CAMK2D: variants seen among roughly 807,000 people sequenced by gnomAD.
The protein encoded by CAMK2D is calcium/calmodulin dependent protein kinase II delta.
Under a neutral mutation model 84.0 loss-of-function variants are expected in CAMK2D, and 37 were observed. That is an observed-to-expected ratio of 0.44 (90% CI 0.34 to 0.58). The LOEUF is 0.58. CAMK2D is among the 20% of genes least tolerant of loss of function. CAMK2D has a pLI of 0.02. For synonymous variants in CAMK2D, 202 were observed against 212.5 expected (o/e 0.95, Z 0.43); for missense variants, 448 against 652.5 (o/e 0.69, Z 3.41).
chr4:113,467,126 G>C (rs187285148), intron 16 of CAMK2D, among the ~76,000 whole-genome samples: 1 of 151,990 alleles, frequency 6.6e-6, no homozygotes, highest in Non-Finnish European at 1.5e-5. Context: ...AATTTTACTG[G>C]ATTTTAAGAA....
chr4:113,460,157 G>A lies in CAMK2D; in HGVS notation c.1296C>T (p.Tyr432=). 6.4e-7 allele frequency: 1 copy of A among 1,572,336 alleles called. No homozygotes were observed. Among genetic ancestry groups the A allele is most frequent in the Non-Finnish European group, 8.8e-7 (1 of 1,142,400 alleles). Residue 432 remains tyrosine (Y), a synonymous_variant, in exon 18 of 21, where the codon TAC becomes TAT. Coordinates refer to ENST00000511664, the MANE Select transcript of CAMK2D (RefSeq NM_001321571.2). ...TAGGAATAAATGTACCATTTTCAAA[G>A]TAGAATCGGTGAAAATCCATCCCTT... ...LVEGMDFHRF[Y]FENALSKSNK...
Position 113,477,638 on chromosome 4 carries a change from C to T in CAMK2D, c.1136-12034G>A, listed in dbSNP as rs1010558285. On this transcript the variant is annotated intron_variant, in intron 16 of 20. Coordinates refer to ENST00000511664, the MANE Select transcript of CAMK2D (RefSeq NM_001321571.2). ...GTGGGTGCCTGTAGTCCCAGCTACT[C>T]GGGAGGCTGAGGCAGGAGAATTGCT... Among the ~76,000 whole-genome samples, 8 of 149,998 alleles carry T rather than the reference C, an allele frequency of 5.3e-5. No homozygotes were observed. In the East Asian group the frequency reaches 5.9e-4, roughly 11 times the overall value.
At chr4:113,628,606 C>A (rs1435096631) in intron 3 of CAMK2D, among the ~76,000 whole-genome samples, 1 of 152,034 alleles carries the variant, frequency 6.6e-6, no homozygotes, top group African/African-American at 2.4e-5. Context: ...TTCATCATTT[C>A]ATGACATATT....
At chr4:113,576,103 A>G (rs1434727756) in intron 4 of CAMK2D, among the ~76,000 whole-genome samples, 1 of 152,104 alleles carries the variant, frequency 6.6e-6, no homozygotes, top group African/African-American at 2.4e-5. Flanking sequence ...ACAAGATCCC[A>G]TAGCTCACTG....
intron 3 of CAMK2D, among the ~76,000 whole-genome samples, chr4:113,632,778 G>T (rs1028153116): frequency 1.3e-5 from 2 of 152,176 alleles, no homozygotes; most frequent in Admixed American, 6.5e-5. Flanking sequence ...TATAGACACT[G>T]ACAGGTGCTT....
chr4:113,576,569 T>C (rs2098783662), intron 4 of CAMK2D, among the ~76,000 whole-genome samples: 1 of 151,896 alleles, frequency 6.6e-6, no homozygotes, highest in Non-Finnish European at 1.5e-5. Flanking sequence ...GATAGAAACA[T>C]ACACATTAAA....
chr4:113,649,598 C>A (rs2099164954), intron 3 of CAMK2D, among the ~76,000 whole-genome samples: 1 of 152,182 alleles, frequency 6.6e-6, no homozygotes, highest in Non-Finnish European at 1.5e-5. Flanking sequence ...GCTCCCATGG[C>A]ACCTTATTAG....
At chr4:113,578,071 C>A (rs1179418680) in intron 4 of CAMK2D, among the ~76,000 whole-genome samples, 3 of 152,148 alleles carry the variant, frequency 2.0e-5, no homozygotes, top group African/African-American at 7.2e-5. Flanking sequence ...AATACTTGAG[C>A]TCCACTCTAA....
chr4:113,462,051 T>C (rs2097382893), intron 17 of CAMK2D, among the ~76,000 whole-genome samples: 1 of 152,194 alleles, frequency 6.6e-6, no homozygotes, highest in Admixed American at 6.5e-5. Flanking sequence ...ATAGTCTCTT[T>C]CTAAGAAGCA....
rs576935639 is a variant in CAMK2D, at chr4:113,485,586, T to G, written c.1135+14877A>C. On this transcript the variant is annotated intron_variant, in intron 16 of 20. Coordinates refer to ENST00000511664, the MANE Select transcript of CAMK2D (RefSeq NM_001321571.2). ...CTAACCATCTTTGGTCTTATAGCCT[T>G]CAAATACATATGCCACAGAATCACC... 1.1e-4 allele frequency among the ~76,000 whole-genome samples: 17 copies of G among 152,336 alleles called. No homozygotes were observed. In the South Asian group the frequency reaches 2.9e-3, roughly 26 times the overall value.
chr4:113,478,146 G>A (rs1223413290), intron 16 of CAMK2D, among the ~76,000 whole-genome samples: 1 of 152,020 alleles, frequency 6.6e-6, no homozygotes, highest in Admixed American at 6.6e-5. Context: ...ATATTGACTT[G>A]GAGGTTTCAG....
intron 3 of CAMK2D, among the ~76,000 whole-genome samples, chr4:113,613,897 CGA>C (rs375777047): frequency 8.8e-5 from 13 of 148,134 alleles, no homozygotes; most frequent in Admixed American, 1.3e-4. Flanking sequence ...AGAGAGCGAG[CGA>C]GAGAGAGAGA....
At chr4:113,714,328 T>C (rs1201653330) in intron 2 of CAMK2D, among the ~76,000 whole-genome samples, 1 of 152,126 alleles carries the variant, frequency 6.6e-6, no homozygotes, top group Non-Finnish European at 1.5e-5. Flanking sequence ...GGGTATCTGG[T>C]ATAACAATTA....
chr4:113,455,779 G>A lies in CAMK2D; in HGVS notation c.1578C>T (p.Gly526=), dbSNP rs768862917. ...IPNGKENFSG[G]TSLWQNI Reference sequence around the variant, plus strand: ...CTTAGATGTTTTGCCACAAAGAGGTGCCTCCTGAGAAGTTTTCTTTCCCAT... The same window carrying A: ...CTTAGATGTTTTGCCACAAAGAGGTACCTCCTGAGAAGTTTTCTTTCCCAT... The change falls in exon 20 of 21, where the codon GGC becomes GGT. Residue 526 remains glycine, a synonymous_variant. Transcript: ENST00000511664. 18 of 1,612,292 alleles carry A rather than the reference G, an allele frequency of 1.1e-5. No homozygotes were observed. The East Asian group carries it at 3.8e-4, about 34-fold the overall frequency.
intron 3 of CAMK2D, among the ~76,000 whole-genome samples, chr4:113,611,994 C>T (rs964188361): frequency 4.6e-5 from 7 of 151,864 alleles, no homozygotes; most frequent in Admixed American, 4.6e-4. Context: ...TTATTCCTTC[C>T]TTCCTATGTC....
At chr4:113,533,155 A>T (rs1387794370) in intron 7 of CAMK2D, among the ~76,000 whole-genome samples, 1 of 152,174 alleles carries the variant, frequency 6.6e-6, no homozygotes, top group East Asian at 1.9e-4. Flanking sequence ...ATCATTTAAA[A>T]TATAAATTAT....
At chr4:113,569,034 T>C (rs891396556) in intron 4 of CAMK2D, among the ~76,000 whole-genome samples, 3 of 152,120 alleles carry the variant, frequency 2.0e-5, no homozygotes, top group Admixed American at 1.3e-4. Context: ...TCCTATTCTA[T>C]AGGTTATCTT....
rs1194266367 is a variant in CAMK2D, at chr4:113,506,695, TG to T, written c.985-1661del. On this transcript the variant is annotated intron_variant, in intron 13 of 20. Transcript: ENST00000511664. ...GGGCACTTATGGTTAAAGCACCACATGTATTTAATATGCTATATTTAGTTTT... is the reference window on the plus strand; with the variant it reads ...GGGCACTTATGGTTAAAGCACCACATTATTTAATATGCTATATTTAGTTTT... Among the ~76,000 whole-genome samples, 18 of 152,302 alleles carry T rather than the reference TG, an allele frequency of 1.2e-4. No individual in the cohort carries two copies. The South Asian group carries it at 1.4e-3, about 12-fold the overall frequency.
chr4:113,492,622 A>T (rs1344296500), intron 16 of CAMK2D, among the ~76,000 whole-genome samples: 1 of 151,050 alleles, frequency 6.6e-6, no homozygotes, highest in East Asian at 1.9e-4. Flanking sequence ...TATTCTGTTG[A>T]TTTGGGGTGG....
Sources: allele counts gnomAD v4.1 joint callset (sites outside exome capture counted in the v4.1 genomes callset), GRCh38; gene constraint gnomAD v4.1.1; transcripts MANE v1.5; gene names NCBI Gene and HGNC (gene_info 2026-07-23, HGNC 2026-07-21).